Variants in FYB1 observed in about 807,000 individuals in gnomAD.
FYB1 encodes the protein FYN-binding protein 1.
Under a neutral mutation model 94.1 loss-of-function variants are expected in FYB1, and 41 were observed. The observed-to-expected ratio is 0.44, with a 90% CI of 0.34 to 0.57. The LOEUF (loss-of-function observed/expected upper bound fraction) is 0.57, where lower values mean the gene tolerates loss of function less well. Ranked by LOEUF, FYB1 falls within the 20% of genes least tolerant of loss-of-function variation. The pLI is 0.02. For synonymous variants in FYB1, 367 were observed against 353.2 expected (o/e 1.04, Z -0.44); for missense variants, 1,050 against 976.8 (o/e 1.07, Z -1.00).
intron 17 of FYB1, among the ~76,000 whole-genome samples, chr5:39,109,067 T>A (rs1321089145): frequency 6.6e-6 from 1 of 152,106 alleles, no homozygotes; most frequent in African/African-American, 2.4e-5. Flanking sequence ...ATGTAAGATA[T>A]ACTTCTAAAA....
chr5:39,189,515 T>C (rs1747170842), intron 2 of FYB1, among the ~76,000 whole-genome samples: 1 of 152,196 alleles, frequency 6.6e-6, no homozygotes, highest in South Asian at 2.1e-4. Context: ...CTTCTGCTAA[T>C]ATTCAGAGGA....
At chr5:39,254,769 C>G (rs993430101) in intron 1 of FYB1, among the ~76,000 whole-genome samples, 3 of 152,064 alleles carry the variant, frequency 2.0e-5, no homozygotes, top group African/African-American at 7.2e-5. Flanking sequence ...ATGAGAATTT[C>G]AAGGCATTGA....
At chr5:39,109,031 A>G (rs1738808405) in intron 17 of FYB1, among the ~76,000 whole-genome samples, 1 of 152,170 alleles carries the variant, frequency 6.6e-6, no homozygotes, top group African/African-American at 2.4e-5. Context: ...AATAGAGAGC[A>G]TTATAAACAT....
chr5:39,257,284 A>C (rs1396140060), intron 1 of FYB1, among the ~76,000 whole-genome samples: 3 of 152,214 alleles, frequency 2.0e-5, no homozygotes, highest in Non-Finnish European at 4.4e-5. Flanking sequence ...ACAGCATATA[A>C]CAGTTTTTGG....
chr5:39,247,071 C>CATATATATGTATAT (rs1491316200), intron 1 of FYB1, among the ~76,000 whole-genome samples: 1 of 65,606 alleles, frequency 1.5e-5, no homozygotes, highest in Non-Finnish European at 3.0e-5. Flanking sequence ...AATGCGTGTT[C>CATATATATGTATAT]ATATATATAT....
Position 39,127,724 on chromosome 5 carries a change from T to G in FYB1, c.1907+17A>C. 2 of 1,584,906 alleles carry G rather than the reference T, an allele frequency of 1.3e-6. No homozygotes were observed. The highest frequency in any genetic ancestry group is 1.7e-6 in the Non-Finnish European group (2 of 1,168,712). ...TATATAATAATTTGCAAAAAGCAGT[T>G]CACTGATTATTCTTACCCATCATCA... is the stretch of plus-strand genomic sequence containing the variant. On this transcript the variant is annotated intron_variant, in intron 11 of 18. Transcript: ENST00000512982.
At chr5:39,229,695 C>T (rs1023688672) in intron 1 of FYB1, among the ~76,000 whole-genome samples, 3 of 152,058 alleles carry the variant, frequency 2.0e-5, no homozygotes, top group Admixed American at 1.3e-4. Flanking sequence ...CATAATATTG[C>T]TAAGGTGATG....
At chr5:39,225,161 A>C (rs900847319) in intron 1 of FYB1, among the ~76,000 whole-genome samples, 10 of 152,212 alleles carry the variant, frequency 6.6e-5, no homozygotes, top group Non-Finnish European at 1.5e-4. Flanking sequence ...TATAGCTAGC[A>C]GTAAAATATA....
At chr5:39,109,731 C>A (rs1171888666) in intron 17 of FYB1, among the ~76,000 whole-genome samples, 1 of 152,080 alleles carries the variant, frequency 6.6e-6, no homozygotes, top group South Asian at 2.1e-4. Flanking sequence ...GTTTCTTGCA[C>A]TGGGTTACTT....
intron 2 of FYB1, among the ~76,000 whole-genome samples, chr5:39,177,005 GC>G (rs1332159849): frequency 2.0e-5 from 3 of 152,214 alleles, no homozygotes; most frequent in Non-Finnish European, 2.9e-5. Flanking sequence ...TGGGAGGAAG[GC>G]AGTTATCCTC....
chr5:39,149,610 T>A (rs1743068811), intron 3 of FYB1, among the ~76,000 whole-genome samples: 1 of 152,168 alleles, frequency 6.6e-6, no homozygotes, highest in Admixed American at 6.5e-5. Flanking sequence ...CCAATTCCTC[T>A]CCTTTCATAC....
At chr5:39,142,146 C>A (rs1742247461) in intron 3 of FYB1, among the ~76,000 whole-genome samples, 1 of 152,188 alleles carries the variant, frequency 6.6e-6, no homozygotes, top group African/African-American at 2.4e-5. Flanking sequence ...ACATTACAAA[C>A]AATTGGTATT....
intron 2 of FYB1, among the ~76,000 whole-genome samples, chr5:39,177,201 G>A (rs780820188): frequency 6.6e-6 from 1 of 152,172 alleles, no homozygotes; most frequent in African/African-American, 2.4e-5. Context: ...CTGGAGGCTA[G>A]ACACCTATCT....
chr5:39,250,354 G>A (rs975433436), intron 1 of FYB1, among the ~76,000 whole-genome samples: 1 of 152,172 alleles, frequency 6.6e-6, no homozygotes, highest in African/African-American at 2.4e-5. Flanking sequence ...ACTTGTTAGA[G>A]ACAGAGGGAG....
Position 39,107,296 on chromosome 5 carries a change from C to T in FYB1, c.*147G>A. 1 of 476,150 alleles carries T rather than the reference C, an allele frequency of 2.1e-6. No homozygotes were observed. 29.5% of individuals were successfully genotyped at this position (476,150 alleles called of 1,614,324 possible). On this transcript the variant is annotated 3_prime_UTR_variant, in exon 19 of 19. Transcript: ENST00000512982. Reference sequence around the variant, plus strand: ...TTATTTTCTATGTTCAAACTTTAAACACTTTGTAAAGATAATTGGGATTTC... The same window carrying T: ...TTATTTTCTATGTTCAAACTTTAAATACTTTGTAAAGATAATTGGGATTTC...
Position 39,105,671 on chromosome 5 carries a change from C to G in FYB1, c.*1772G>C, listed in dbSNP as rs1760333471. On this transcript the variant is annotated 3_prime_UTR_variant, in exon 19 of 19. Coordinates refer to ENST00000512982, the MANE Select transcript of FYB1 (RefSeq NM_001465.6). ...CCAAAAACTTCAGCATAAAAACTAT[C>G]CTGTCTGTGTATTATATATATTTAT... The G allele has an allele frequency of 8.6e-5, 13 of 152,030 alleles. No individual in the cohort carries two copies. Among genetic ancestry groups the G allele is most frequent in the Admixed American group, 8.5e-4 (13 of 15,236 alleles). 9.4% of individuals were successfully genotyped at this position (152,030 alleles called of 1,614,324 possible).
chr5:39,180,748 C>T (rs1174928827), intron 2 of FYB1, among the ~76,000 whole-genome samples: 4 of 152,204 alleles, frequency 2.6e-5, no homozygotes. Flanking sequence ...CAGAAGGCAA[C>T]TTGAGAGGAG....
chr5:39,152,837 T>C (rs983194443), intron 3 of FYB1, among the ~76,000 whole-genome samples: 7 of 152,242 alleles, frequency 4.6e-5, no homozygotes, highest in African/African-American at 1.2e-4. Flanking sequence ...ATCTGTATTA[T>C]TGTTTAATTA....
rs1751553632 is a variant in FYB1, at chr5:39,247,889, T to TTTTGTTTTGTTTTGTTTTG, written c.-28+26513_-28+26514insCAAAACAAAACAAAACAAA. ...TCTTGGCTTTGGGCTTACTTTCTTG[T>TTTTGTTTTGTTTTGTTTTG]TTTTGTTTTGTTTTGTTTTGTTTTG... On this transcript the variant is annotated intron_variant, in intron 1 of 1. Coordinates refer to the FYB1 transcript ENST00000510188. Among the ~76,000 whole-genome samples, 3 of 149,364 alleles carry TTTTGTTTTGTTTTGTTTTG rather than the reference T, an allele frequency of 2.0e-5. No homozygotes were observed. In the South Asian group the frequency reaches 6.4e-4, roughly 32 times the overall value.
Sources: allele counts gnomAD v4.1 joint callset (sites outside exome capture counted in the v4.1 genomes callset), GRCh38; gene constraint gnomAD v4.1.1; transcripts MANE v1.5; gene names NCBI Gene and HGNC (gene_info 2026-07-23, HGNC 2026-07-21).